The following SMAD1 variants were observed in gnomAD, a reference collection of about 807,000 sequenced individuals.
SMAD1 encodes MAD, mothers against decapentaplegic homolog 1.
A neutral mutation model predicts 41.6 loss-of-function variants in SMAD1; 6 were observed. That is an observed-to-expected ratio of 0.14 (90% confidence interval 0.08 to 0.28). The LOEUF is 0.28. Ranked by LOEUF, SMAD1 falls within the 10% of genes least tolerant of loss-of-function variation. The probability of loss-of-function intolerance (pLI) is 1.00; values close to 1 mark genes in which losing one functional copy is unlikely to be tolerated. For synonymous variants in SMAD1, 206 were observed against 203.2 expected (o/e 1.01, Z -0.12); for missense variants, 379 against 582.6 (o/e 0.65, Z 3.60).
chr4:145,498,571 T>A (rs1022813954), intron 1 of SMAD1, among the ~76,000 whole-genome samples: 14 of 152,232 alleles, frequency 9.2e-5, no homozygotes, highest in Admixed American at 4.6e-4. Flanking sequence ...TTGGCTCTCC[T>A]GCACTCCCTT....
chr4:145,501,661 A>G (rs1447115960), intron 1 of SMAD1, among the ~76,000 whole-genome samples: 1 of 149,762 alleles, frequency 6.7e-6, no homozygotes. Context: ...TTTTAAAGGG[A>G]TAGTTTTTTC....
At position 145,540,157 on chromosome 4, in the gene SMAD1, T is replaced by A. The variant is rs562886145; in HGVS notation, c.658+96T>A. On this transcript the variant is annotated intron_variant, in intron 3 of 6. Transcript: ENST00000302085. ...GGGTCAACCTGCAGTGGAGGGAGGT[T>A]TTCAGCCCTGGTATATGACATAGTG... is the stretch of plus-strand genomic sequence containing the variant. 2.5e-5 allele frequency: 36 copies of A among 1,428,168 alleles called. No individual in the cohort carries two copies. In the African/African-American group the frequency reaches 4.2e-4, roughly 17 times the overall value. The allele number at this position is 1,428,168 out of a possible 1,614,324, so 88.5% of individuals were successfully genotyped here. A position where few individuals can be genotyped will look rare whatever the true frequency, so the allele number is the denominator to read the frequency against.
chr4:145,506,615 AG>A (rs1433441439), intron 1 of SMAD1, among the ~76,000 whole-genome samples: 3 of 152,128 alleles, frequency 2.0e-5, no homozygotes, highest in African/African-American at 7.2e-5. Context: ...TTTTTATTAA[AG>A]GGGGTTGTAA....
intron 2 of SMAD1, among the ~76,000 whole-genome samples, chr4:145,520,979 A>G (rs1730713000): frequency 6.6e-6 from 1 of 152,208 alleles, no homozygotes; most frequent in African/African-American, 2.4e-5. Flanking sequence ...GAAATTTGCC[A>G]CTTTGACCAT....
chr4:145,506,673 T>C (rs1449421297), intron 1 of SMAD1, among the ~76,000 whole-genome samples: 1 of 151,960 alleles, frequency 6.6e-6, no homozygotes, highest in Non-Finnish European at 1.5e-5. Flanking sequence ...TATCTTCATA[T>C]ACAAATTAGG....
chr4:145,486,512 A>G (rs1036387674), intron 1 of SMAD1, among the ~76,000 whole-genome samples: 2 of 145,626 alleles, frequency 1.4e-5, no homozygotes, highest in Non-Finnish European at 2.9e-5. Flanking sequence ...TTACAAGGTC[A>G]GGGCTGTTTA....
At chr4:145,510,771 T>C (rs993087889) in intron 1 of SMAD1, among the ~76,000 whole-genome samples, 1 of 152,192 alleles carries the variant, frequency 6.6e-6, no homozygotes, top group African/African-American at 2.4e-5. Context: ...TATTGATTTT[T>C]GTTTGCTTGT....
Position 145,514,336 on chromosome 4 carries a change from T to A in SMAD1, c.-176-102T>A. The A allele has an allele frequency of 3.0e-6, 1 of 329,656 alleles. No homozygotes were observed. Among genetic ancestry groups the A allele is most frequent in the Non-Finnish European group, 5.5e-6 (1 of 182,392 alleles). The allele number at this position is 329,656 out of a possible 1,614,324, so 20.4% of individuals were successfully genotyped here. On this transcript the variant is annotated intron_variant, in intron 1 of 6. Transcript: ENST00000302085. This position sits in a 1 kb window ranked among gnomAD's most constrained non-coding sequence, Gnocchi z 4.7. ...ACAATTCAGTCCACAGCATACTGTA[T>A]TACATAAAAGCACTTAAAATAGTAC...
Position 145,533,976 on chromosome 4 carries a change from A to G in SMAD1, c.401-5828A>G, listed in dbSNP as rs561651734. Among the ~76,000 whole-genome samples, 297 of 152,324 alleles carry G rather than the reference A, an allele frequency of 1.9e-3. 1 individual carries two copies. The highest frequency in any genetic ancestry group is 6.9e-3 in the African/African-American group (287 of 41,582). On this transcript the variant is annotated intron_variant, in intron 2 of 6. Coordinates refer to ENST00000302085, the MANE Select transcript of SMAD1 (RefSeq NM_005900.3). ...TGTTTTTGGAGATAGGGCCTTTAAA[A>G]GAGGTAATTAAATTAAATGAGACCA... is the stretch of plus-strand genomic sequence containing the variant.
At chr4:145,483,042 A>G (rs1001816467) in intron 1 of SMAD1, 2 of 152,218 alleles carry the variant, frequency 1.3e-5, no homozygotes, top group African/African-American at 4.8e-5. Flanking sequence ...TCTCACAGCT[A>G]CAGTAGCTGA....
intron 1 of SMAD1, among the ~76,000 whole-genome samples, chr4:145,493,532 A>C (rs917760882): frequency 3.3e-5 from 5 of 152,216 alleles, no homozygotes; most frequent in African/African-American, 1.2e-4. Context: ...ACTGTGAACA[A>C]AATTAATTTG....
At chr4:145,547,002 C>A in intron 5 of SMAD1, 78 bp downstream of exon 5, 1 of 1,098,356 alleles carries the variant, frequency 9.1e-7, no homozygotes, top group Non-Finnish European at 1.4e-6. Flanking sequence ...AAAATCATTC[C>A]TGTAACAAAC....
At chr4:145,523,654 G>C (rs944701992) in intron 2 of SMAD1, among the ~76,000 whole-genome samples, 11 of 152,122 alleles carry the variant, frequency 7.2e-5, no homozygotes, top group African/African-American at 2.7e-4. Context: ...TTTGGTGTAG[G>C]GGAGAGGTGT....
chr4:145,515,197 A>G (rs1011267455), intron 2 of SMAD1, among the ~76,000 whole-genome samples, 184 bp downstream of exon 2: 6 of 150,758 alleles, frequency 4.0e-5, no homozygotes, highest in African/African-American at 1.5e-4. Flanking sequence ...TGCAAGAGAG[A>G]AAGCCCCTGA....
intron 1 of SMAD1, among the ~76,000 whole-genome samples, chr4:145,483,840 GTA>G (rs1728328107): frequency 6.6e-6 from 1 of 152,124 alleles, no homozygotes; most frequent in Admixed American, 6.5e-5. Context: ...ACAACCATAG[GTA>G]TGTAACCAAA....
intron 2 of SMAD1, among the ~76,000 whole-genome samples, chr4:145,523,170 T>C (rs1178787270): frequency 6.6e-6 from 1 of 152,244 alleles, no homozygotes; most frequent in Non-Finnish European, 1.5e-5. Flanking sequence ...CATGATAAAC[T>C]AACTCCTCAG....
At chr4:145,517,146 AGAAG>A (rs1730453402) in intron 2 of SMAD1, 1 of 152,184 alleles carries the variant, frequency 6.6e-6, no homozygotes, top group Non-Finnish European at 1.5e-5. Flanking sequence ...CCTACTCTTG[AGAAG>A]TCCTCTAGAG....
intron 3 of SMAD1, among the ~76,000 whole-genome samples, chr4:145,541,428 T>C (rs1731923762): frequency 2.0e-5 from 3 of 152,224 alleles, no homozygotes; most frequent in African/African-American, 7.2e-5. Flanking sequence ...AGAAATTCAT[T>C]GACTTGGGCT....
At chr4:145,534,369 T>C (rs930333054) in intron 2 of SMAD1, among the ~76,000 whole-genome samples, 47 of 152,374 alleles carry the variant, frequency 3.1e-4, no homozygotes, top group African/African-American at 1.1e-3. Flanking sequence ...TTAATTTATG[T>C]ATATAATGTG....
Sources: gnomAD v4.1 joint callset for allele counts (sites outside exome capture counted in the v4.1 genomes callset) on GRCh38, gnomAD v4.1.1 for gene constraint, Gnocchi (gnomAD v3.1) non-coding constraint, MANE v1.5 for transcripts, NCBI Gene and HGNC (gene_info 2026-07-23, HGNC 2026-07-21) for gene names.